Variants in CYP7B1 observed in about 807,000 individuals in gnomAD.
CYP7B1 encodes cytochrome P450 family 7 subfamily B member 1.
CYP7B1 carries 29 observed loss-of-function variants against 42.7 expected under a neutral mutation model. The observed-to-expected ratio is 0.68, with a 90% CI of 0.51 to 0.93. The LOEUF (loss-of-function observed/expected upper bound fraction) is 0.93, where lower values mean the gene tolerates loss of function less well. Ranked by LOEUF, CYP7B1 falls within the 40% of genes least tolerant of loss-of-function variation. The pLI, the probability that CYP7B1 is intolerant of heterozygous loss-of-function variation, is 0.00. For missense variants in CYP7B1, 655 were observed against 600.5 expected (o/e 1.09, Z -0.95); for synonymous variants, 235 against 218.2 (o/e 1.08, Z -0.68).
chr8:64,651,594 A>C (rs1309013226), intron 1 of CYP7B1, among the ~76,000 whole-genome samples: 1 of 152,144 alleles, frequency 6.6e-6, no homozygotes, highest in Admixed American at 6.5e-5. Flanking sequence ...CTCCAGTGTG[A>C]TGGTATTTGG....
intron 1 of CYP7B1, among the ~76,000 whole-genome samples, chr8:64,681,014 T>C (rs1806527933): frequency 6.6e-6 from 1 of 152,208 alleles, no homozygotes; most frequent in Non-Finnish European, 1.5e-5. Flanking sequence ...ACCAGAATTT[T>C]CAATTTTCTC....
intron 1 of CYP7B1, among the ~76,000 whole-genome samples, chr8:64,747,639 C>G (rs968480488): frequency 6.6e-6 from 1 of 151,640 alleles, no homozygotes; most frequent in African/African-American, 2.4e-5. Context: ...ATAAGTGGAA[C>G]CGTGCAGTTC....
At chr8:64,628,862 A>C (rs1805646516) in intron 1 of CYP7B1, among the ~76,000 whole-genome samples, 1 of 152,164 alleles carries the variant, frequency 6.6e-6, no homozygotes, top group Non-Finnish European at 1.5e-5. Context: ...TCTTCATGCT[A>C]TACCTGTAGT....
Position 64,615,767 on chromosome 8 carries a change from T to C in CYP7B1, c.774A>G (p.Gln258=). 1 of 1,613,842 alleles carries C rather than the reference T, an allele frequency of 6.2e-7. No individual in the cohort carries two copies. Among genetic ancestry groups the C allele is most frequent in the South Asian group, 1.1e-5 (1 of 91,068 alleles). Reference sequence around the variant, plus strand: ...TGCTTTGAAAAACTTCTGACCATCCTTGCATCTTGGCTAACTTTTCTGATG... The same window carrying C: ...TGCTTTGAAAAACTTCTGACCATCCCTGCATCTTGGCTAACTTTTCTGATG... The part of the protein sequence containing the change: ...CFSSEKLAKM[Q]GWSEVFQSRQ... Residue 258 remains glutamine (Q), a synonymous_variant, in exon 3 of 6, where the codon CAA becomes CAG. Transcript: ENST00000310193.
At chr8:64,708,041 G>T (rs551229863) in intron 1 of CYP7B1, among the ~76,000 whole-genome samples, 48 of 152,170 alleles carry the variant, frequency 3.2e-4, no homozygotes, top group African/African-American at 1.2e-3. Context: ...TTGGGAGCAT[G>T]GACTATCAGC....
intron 1 of CYP7B1, among the ~76,000 whole-genome samples, chr8:64,772,107 C>G (rs892118055): frequency 6.6e-6 from 1 of 152,208 alleles, no homozygotes; most frequent in Admixed American, 6.5e-5. Flanking sequence ...TACAGACTCT[C>G]AGCACCACCA....
intron 1 of CYP7B1, chr8:64,728,796 C>A (rs1249273680): frequency 6.6e-6 from 1 of 152,054 alleles, no homozygotes; most frequent in Non-Finnish European, 1.5e-5. Flanking sequence ...GAAATTTCTG[C>A]CATTTCTTAA....
chr8:64,610,497 C>T (rs571453067), intron 4 of CYP7B1, among the ~76,000 whole-genome samples: 23 of 152,164 alleles, frequency 1.5e-4, no homozygotes, highest in Admixed American at 8.5e-4. Flanking sequence ...AATATTTGAA[C>T]GAGCTTTTTC....
intron 1 of CYP7B1, among the ~76,000 whole-genome samples, chr8:64,648,339 G>C (rs1313484535): frequency 1.3e-5 from 2 of 152,022 alleles, no homozygotes; most frequent in African/African-American, 4.8e-5. Flanking sequence ...CTGTATATCT[G>C]GTCCTCATAT....
intron 1 of CYP7B1, among the ~76,000 whole-genome samples, chr8:64,703,545 A>T (rs1331036534): frequency 1.3e-5 from 2 of 152,050 alleles, no homozygotes; most frequent in Non-Finnish European, 2.9e-5. Flanking sequence ...AGGATGAAAC[A>T]TTAGAAATCC....
chr8:64,588,346 T>C (rs1008180471), downstream of CYP7B1, among the ~76,000 whole-genome samples: 1 of 152,222 alleles, frequency 6.6e-6, no homozygotes, highest in Non-Finnish European at 1.5e-5. Context: ...ACTGGTTATA[T>C]AAAGCAATTA....
intron 1 of CYP7B1, among the ~76,000 whole-genome samples, chr8:64,784,082 A>G (rs1804479404): frequency 6.6e-6 from 1 of 152,178 alleles, no homozygotes; most frequent in Admixed American, 6.5e-5. Flanking sequence ...CCAGTCTTTC[A>G]TCACAGCTAG....
At chr8:64,746,547 G>A (rs1807645741) in intron 1 of CYP7B1, among the ~76,000 whole-genome samples, 1 of 152,196 alleles carries the variant, frequency 6.6e-6, no homozygotes, top group African/African-American at 2.4e-5. Context: ...AGTAGTAACT[G>A]TTATATGTGT....
At chr8:64,713,755 A>G (rs958368828) in intron 1 of CYP7B1, among the ~76,000 whole-genome samples, 1 of 152,182 alleles carries the variant, frequency 6.6e-6, no homozygotes, top group African/African-American at 2.4e-5. Flanking sequence ...GAATCCCAGA[A>G]GGGAAGAGAC....
intron 1 of CYP7B1, among the ~76,000 whole-genome samples, chr8:64,649,149 T>A (rs553683327): frequency 6.6e-6 from 1 of 152,254 alleles, no homozygotes; most frequent in East Asian, 1.9e-4. Flanking sequence ...CCCCTCCAGC[T>A]CTTTAAAACC....
chr8:64,674,242 A>G (rs1806410185), intron 1 of CYP7B1, among the ~76,000 whole-genome samples: 1 of 152,154 alleles, frequency 6.6e-6, no homozygotes, highest in South Asian at 2.1e-4. Context: ...TATAATGCAC[A>G]CAGAGACAGA....
intron 1 of CYP7B1, among the ~76,000 whole-genome samples, chr8:64,795,489 A>G (rs1804690415): frequency 6.6e-6 from 1 of 152,200 alleles, no homozygotes; most frequent in South Asian, 2.1e-4. Flanking sequence ...CTCTCCCCTG[A>G]GCTTTTGGTG....
At chr8:64,701,660 A>G (rs1161376150) in intron 1 of CYP7B1, among the ~76,000 whole-genome samples, 2 of 152,120 alleles carry the variant, frequency 1.3e-5, no homozygotes, top group South Asian at 4.1e-4. Flanking sequence ...GATAATGTTA[A>G]GAGAGGAAAA....
chr8:64,747,599 G>T (rs892617830), intron 1 of CYP7B1, among the ~76,000 whole-genome samples: 4 of 151,812 alleles, frequency 2.6e-5, no homozygotes, highest in Non-Finnish European at 5.9e-5. Context: ...CCTTGTTTCA[G>T]GAGTGGCAGA....
Sources: gnomAD v4.1 joint callset for allele counts (sites outside exome capture counted in the v4.1 genomes callset) on GRCh38, gnomAD v4.1.1 for gene constraint, MANE v1.5 for transcripts, NCBI Gene and HGNC (gene_info 2026-07-23, HGNC 2026-07-21) for gene names.